The following PLEK variants were observed in gnomAD, a reference collection of about 807,000 sequenced individuals.
PLEK encodes pleckstrin.
Under a neutral mutation model 43.9 loss-of-function variants are expected in PLEK, and 25 were observed. The observed-to-expected ratio is 0.57, with a 90% CI of 0.41 to 0.79. The LOEUF is 0.79. Ranked by LOEUF, PLEK falls within the 30% of genes least tolerant of loss-of-function variation. The pLI, the probability that PLEK is intolerant of heterozygous loss-of-function variation, is 0.00. For synonymous variants in PLEK, 152 were observed against 144.4 expected, an observed-to-expected ratio of 1.05 and a Z score of -0.38; for missense variants, 396 against 413.3, an observed-to-expected ratio of 0.96 and a Z score of 0.36.
chr2:68,376,776 A>T (rs1464778747), intron 1 of PLEK, among the ~76,000 whole-genome samples: 1 of 152,154 alleles, frequency 6.6e-6, no homozygotes, highest in East Asian at 1.9e-4. Flanking sequence ...CAAACAATCC[A>T]ATTACGCTCT....
intron 7 of PLEK, among the ~76,000 whole-genome samples, chr2:68,393,902 C>G (rs564383567): frequency 6.6e-6 from 1 of 152,148 alleles, no homozygotes; most frequent in African/African-American, 2.4e-5. Flanking sequence ...TCTCATTGAG[C>G]CTCCTGGCCC....
chr2:68,387,826 A>G lies in PLEK; in HGVS notation c.658-561A>G, dbSNP rs143954783. The G allele has an allele frequency of 6.0e-3, 916 of 152,218 alleles. 8 individuals carry two copies. Among genetic ancestry groups the G allele is most frequent in the Non-Finnish European group, 9.0e-3 (614 of 68,120 alleles). The allele number at this position is 152,218 out of a possible 1,614,324, so 9.4% of individuals were successfully genotyped here. On this transcript the variant is annotated intron_variant, in intron 5 of 8. Coordinates refer to ENST00000234313, the MANE Select transcript of PLEK (RefSeq NM_002664.3). ...GATCTGGTCGTTTATAGCCATTTCA[A>G]TGCAGGATTCTAAAAATACCCATCA... is the stretch of plus-strand genomic sequence containing the variant.
At chr2:68,394,478 T>C (rs899050755) in intron 8 of PLEK, among the ~76,000 whole-genome samples, 1 of 152,012 alleles carries the variant, frequency 6.6e-6, no homozygotes, top group Admixed American at 6.5e-5. Flanking sequence ...CAAGTTGCAA[T>C]GAGCTGAGAT....
chr2:68,374,528 T>G (rs1673467109), intron 1 of PLEK, among the ~76,000 whole-genome samples: 1 of 152,186 alleles, frequency 6.6e-6, no homozygotes, highest in Admixed American at 6.5e-5. Flanking sequence ...AACAACTTTG[T>G]TTTTTAATTG....
At chr2:68,381,025 C>G in intron 3 of PLEK, 121 bp downstream of exon 3, 1 of 823,652 alleles carries the variant, frequency 1.2e-6, no homozygotes, top group Admixed American at 2.3e-5. Flanking sequence ...CAGGTCAATA[C>G]TGGCACTTGG....
intron 1 of PLEK, among the ~76,000 whole-genome samples, chr2:68,377,977 C>T (rs1232473494): frequency 3.3e-5 from 5 of 152,054 alleles, no homozygotes; most frequent in Admixed American, 2.0e-4. Flanking sequence ...TTCTTGCCCC[C>T]CTGGAACATA....
rs34459358 is a variant in PLEK at position 68,388,310 on chromosome 2, G to GA, written c.658-76dup. The GA allele has an allele frequency of 1.5e-3, 1,260 of 813,762 alleles. 21 individuals are homozygous for GA. The African/African-American group carries it at 0.019, about 12-fold the overall frequency. 50.4% of individuals were successfully genotyped at this position (813,762 alleles called of 1,614,324 possible). Reference sequence around the variant, plus strand: ...GGAGGCTGCCCTCATGGCTGGAGGGGAGGGGGAATGGAGATGGCACAAGTT... The same window carrying GA: ...GGAGGCTGCCCTCATGGCTGGAGGGGAAGGGGGAATGGAGATGGCACAAGTT... On this transcript the variant is annotated intron_variant, in intron 5 of 8. Coordinates refer to ENST00000234313, the MANE Select transcript of PLEK (RefSeq NM_002664.3).
chr2:68,390,064 G>T (rs966775556), intron 6 of PLEK, among the ~76,000 whole-genome samples: 8 of 152,084 alleles, frequency 5.3e-5, no homozygotes, highest in Non-Finnish European at 1.0e-4. Flanking sequence ...GTTGGGACTG[G>T]ACTGGAGCCA....
chr2:68,392,171 C>CTTCTTCTT (rs1553358884), intron 6 of PLEK, among the ~76,000 whole-genome samples: 2 of 107,702 alleles, frequency 1.9e-5, no homozygotes, highest in African/African-American at 5.0e-5. Context: ...TTCTCCTCCT[C>CTTCTTCTT]CTCCTTCTTC....
intron 4 of PLEK, among the ~76,000 whole-genome samples, chr2:68,383,151 C>G (rs986050737): frequency 1.3e-5 from 2 of 152,196 alleles, no homozygotes; most frequent in African/African-American, 4.8e-5. Context: ...AGTTATAAAA[C>G]CTTGGCTCAA....
chr2:68,373,621 G>A (rs1388877776), intron 1 of PLEK, among the ~76,000 whole-genome samples: 1 of 151,772 alleles, frequency 6.6e-6, no homozygotes, highest in African/African-American at 2.4e-5. Flanking sequence ...ACTCATATTG[G>A]ACAGTTGGCT....
intron 6 of PLEK, among the ~76,000 whole-genome samples, chr2:68,392,801 A>G (rs1019115660): frequency 3.3e-5 from 5 of 152,202 alleles, no homozygotes; most frequent in African/African-American, 9.7e-5. Context: ...TTGCTACTTT[A>G]TATTTCAACA....
At chr2:68,377,175 G>T (rs1428003983) in intron 1 of PLEK, among the ~76,000 whole-genome samples, 1 of 152,078 alleles carries the variant, frequency 6.6e-6, no homozygotes, top group African/African-American at 2.4e-5. Flanking sequence ...ATCTGTTGAG[G>T]GACACTTAGG....
intron 8 of PLEK, among the ~76,000 whole-genome samples, chr2:68,394,846 T>C (rs1673934111): frequency 6.6e-6 from 1 of 152,204 alleles, no homozygotes; most frequent in Non-Finnish European, 1.5e-5. Flanking sequence ...GGTGATGTGG[T>C]TTTGACATCC....
intron 4 of PLEK, among the ~76,000 whole-genome samples, chr2:68,385,032 T>C (rs1418827707): frequency 6.6e-6 from 1 of 152,250 alleles, no homozygotes. Context: ...GTGGCATCCC[T>C]ACTGCTTTTG....
chr2:68,378,364 G>A (rs979432140), intron 1 of PLEK, among the ~76,000 whole-genome samples: 1 of 152,166 alleles, frequency 6.6e-6, no homozygotes, highest in African/African-American at 2.4e-5. Context: ...TGGATGACAT[G>A]TCATACAATA....
At chr2:68,378,559 C>T (rs1327921312) in intron 1 of PLEK, among the ~76,000 whole-genome samples, 1 of 152,170 alleles carries the variant, frequency 6.6e-6, no homozygotes, top group African/African-American at 2.4e-5. Context: ...GACTCTTCCT[C>T]ATTGGGATGA....
intron 1 of PLEK, among the ~76,000 whole-genome samples, chr2:68,378,372 A>C (rs367831402): frequency 1.3e-5 from 2 of 152,218 alleles, no homozygotes; most frequent in Non-Finnish European, 2.9e-5. Context: ...ATGTCATACA[A>C]TAATGGAGGA....
chr2:68,395,461 ATACACACAGTCATACTAT>A (rs1673945858), intron 8 of PLEK, among the ~76,000 whole-genome samples: 1 of 152,134 alleles, frequency 6.6e-6, no homozygotes, highest in Non-Finnish European at 1.5e-5. Context: ...AAATATATAT[ATACACACAGTCATACTAT>A]GTATCTACTC....
Sources: allele counts gnomAD v4.1 joint callset (sites outside exome capture counted in the v4.1 genomes callset), GRCh38; gene constraint gnomAD v4.1.1; transcripts MANE v1.5; gene names NCBI Gene and HGNC (gene_info 2026-07-23, HGNC 2026-07-21).